The following STXBP5 variants were observed in gnomAD, a reference collection of about 807,000 sequenced individuals.
STXBP5 encodes syntaxin binding protein 5.
In STXBP5, 50 loss-of-function variants were observed where a neutral mutation model predicts 152.4. The ratio of observed to expected loss-of-function variants is 0.33; its 90% confidence interval spans 0.26 to 0.42. The LOEUF (loss-of-function observed/expected upper bound fraction) is 0.42. Among genes scored for constraint, STXBP5 ranks in the 10% least tolerant of loss-of-function variants. STXBP5 has a pLI of 1.00. For missense variants in STXBP5, 1,167 were observed against 1,388.6 expected (o/e 0.84, Z 2.54); for synonymous variants, 492 against 494.7 (o/e 0.99, Z 0.07).
At chr6:147,382,489 CTTTA>C (rs759058573) in intron 26 of STXBP5, among the ~76,000 whole-genome samples, 36 of 151,992 alleles carry the variant, frequency 2.4e-4, no homozygotes, top group African/African-American at 6.5e-4. Flanking sequence ...AACAATATAC[CTTTA>C]TTTGTTTCAT....
intron 4 of STXBP5, among the ~76,000 whole-genome samples, chr6:147,243,675 C>T (rs1172396203): frequency 6.6e-6 from 1 of 152,074 alleles, no homozygotes; most frequent in African/African-American, 2.4e-5. Flanking sequence ...ACCTAGATTG[C>T]CTCCTGTGTT....
At chr6:147,310,265 T>C in intron 10 of STXBP5, 27 bp downstream of exon 10, 2 of 1,501,220 alleles carry the variant, frequency 1.3e-6, no homozygotes, top group Non-Finnish European at 1.8e-6. Flanking sequence ...TAAAGCTCAT[T>C]CTCTATAGAG....
intron 2 of STXBP5, among the ~76,000 whole-genome samples, chr6:147,209,412 C>T (rs1776739221): frequency 6.6e-6 from 1 of 152,036 alleles, no homozygotes; most frequent in Non-Finnish European, 1.5e-5. Flanking sequence ...TTAACAAGCA[C>T]TTGAGTGTCA....
At chr6:147,277,484 T>C (rs1780501273) in intron 7 of STXBP5, among the ~76,000 whole-genome samples, 1 of 152,116 alleles carries the variant, frequency 6.6e-6, no homozygotes, top group South Asian at 2.1e-4. Context: ...ACTTTGGTGA[T>C]ATAAAAATAT....
In STXBP5 at chr6:147,204,476, C is replaced by T. The variant is rs1454399934; in HGVS notation, c.-57C>T. 6 of 1,582,202 alleles carry T rather than the reference C, an allele frequency of 3.8e-6. No homozygotes were observed. Among genetic ancestry groups the T allele is most frequent in the African/African-American group, 1.4e-5 (1 of 73,754 alleles). On this transcript the variant is annotated 5_prime_UTR_variant, in exon 1 of 28. Coordinates refer to ENST00000321680, the MANE Select transcript of STXBP5 (RefSeq NM_001127715.4). This position sits in a 1 kb window ranked among gnomAD's most constrained non-coding sequence, Gnocchi z 4.3. ...GCCTTCGGCCCCGGGTGGTCTCCCC[C>T]GCCCGGGGACCCCCTGTGCCTCCCC...
At chr6:147,360,616 T>C (rs986537172) in intron 23 of STXBP5, among the ~76,000 whole-genome samples, 5 of 152,168 alleles carry the variant, frequency 3.3e-5, no homozygotes, top group African/African-American at 1.2e-4. Context: ...GAAAAGTGCA[T>C]TTTTAAACAT....
At chr6:147,294,802 C>A (rs1171948891) in intron 9 of STXBP5, among the ~76,000 whole-genome samples, 1 of 152,068 alleles carries the variant, frequency 6.6e-6, no homozygotes, top group Non-Finnish European at 1.5e-5. Context: ...GAGAGCACTG[C>A]ATATTTTAAG....
chr6:147,290,686 G>A (rs1781234999), intron 8 of STXBP5, among the ~76,000 whole-genome samples: 1 of 152,076 alleles, frequency 6.6e-6, no homozygotes, highest in South Asian at 2.1e-4. Flanking sequence ...ATTAGCATAG[G>A]GCTTAATATT....
At chr6:147,344,832 C>T (rs1009619519) in intron 21 of STXBP5, among the ~76,000 whole-genome samples, 4 of 152,154 alleles carry the variant, frequency 2.6e-5, no homozygotes, top group Non-Finnish European at 4.4e-5. Flanking sequence ...ACCTTGTATT[C>T]GGTACAGAAT....
At chr6:147,376,420 G>C (rs577549313) in intron 26 of STXBP5, among the ~76,000 whole-genome samples, 2 of 152,294 alleles carry the variant, frequency 1.3e-5, no homozygotes, top group South Asian at 4.1e-4. Flanking sequence ...GGGATAAACA[G>C]ATAGTACATA....
intron 26 of STXBP5, among the ~76,000 whole-genome samples, chr6:147,382,039 T>C (rs1786110910): frequency 6.6e-6 from 1 of 152,112 alleles, no homozygotes; most frequent in Admixed American, 6.6e-5. Context: ...GTATACGAGT[T>C]ATATTTAAAG....
intron 9 of STXBP5, among the ~76,000 whole-genome samples, chr6:147,297,930 CAAG>C (rs370756744): frequency 1.2e-3 from 187 of 150,314 alleles, no homozygotes; most frequent in African/African-American, 4.5e-3. Flanking sequence ...CAAAGCCAAA[CAAG>C]AAAGGAAGAA....
At chr6:147,344,284 C>CA (rs147617532) in intron 21 of STXBP5, among the ~76,000 whole-genome samples, 11 of 152,210 alleles carry the variant, frequency 7.2e-5, no homozygotes, top group African/African-American at 2.4e-4. Flanking sequence ...AAAGGATATG[C>CA]AATGACCTTT....
At chr6:147,383,104 A>G (rs1404158437) in intron 27 of STXBP5, 106 bp downstream of exon 27, 3 of 1,316,326 alleles carry the variant, frequency 2.3e-6, no homozygotes, top group Non-Finnish European at 3.1e-6. Flanking sequence ...GAATTTGCAT[A>G]TATTCATTGT....
chr6:147,219,587 T>C (rs534623350), intron 2 of STXBP5, among the ~76,000 whole-genome samples: 1 of 152,138 alleles, frequency 6.6e-6, no homozygotes, highest in Non-Finnish European at 1.5e-5. Flanking sequence ...CTATTCAGAT[T>C]GTTTCTTCTT....
intron 9 of STXBP5, among the ~76,000 whole-genome samples, chr6:147,298,799 A>G (rs1327034289): frequency 3.3e-5 from 5 of 152,054 alleles, no homozygotes; most frequent in African/African-American, 9.7e-5. Context: ...AAAACACAAT[A>G]TACTGAGGCC....
At chr6:147,281,811 G>A (rs979170233) in intron 8 of STXBP5, among the ~76,000 whole-genome samples, 10 of 152,294 alleles carry the variant, frequency 6.6e-5, no homozygotes, top group African/African-American at 2.4e-4. Context: ...GTATTATGTT[G>A]CATTTATATA....
At chr6:147,351,951 C>T (rs1582984356) in intron 21 of STXBP5, 1 of 939,966 alleles carries the variant, frequency 1.1e-6, no homozygotes, top group African/African-American at 1.8e-5. Flanking sequence ...ATATTCATTC[C>T]TGTATTAACA....
chr6:147,343,522 T>C (rs1460704103), intron 21 of STXBP5, among the ~76,000 whole-genome samples: 1 of 152,158 alleles, frequency 6.6e-6, no homozygotes, highest in Non-Finnish European at 1.5e-5. Flanking sequence ...AAGTGACACA[T>C]CCAAAGTAAT....
Sources: gnomAD v4.1 joint callset for allele counts (sites outside exome capture counted in the v4.1 genomes callset) on GRCh38, gnomAD v4.1.1 for gene constraint, Gnocchi (gnomAD v3.1) non-coding constraint, MANE v1.5 for transcripts, NCBI Gene and HGNC (gene_info 2026-07-23, HGNC 2026-07-21) for gene names.